Variants in RABGAP1L observed in about 807,000 individuals in gnomAD.
RABGAP1L encodes RAB GTPase activating protein 1 like.
In RABGAP1L, 63 loss-of-function variants were observed where a neutral mutation model predicts 137.7. The observed-to-expected ratio is 0.46, with a 90% CI of 0.37 to 0.56. RABGAP1L has a LOEUF of 0.56. RABGAP1L is among the 20% of genes least tolerant of loss of function. The pLI, the probability that RABGAP1L is intolerant of heterozygous loss-of-function variation, is 0.00. For missense variants in RABGAP1L, 1,095 were observed against 1,244.0 expected (o/e 0.88, Z 1.80); for synonymous variants, 431 against 433.7 (o/e 0.99, Z 0.08).
At position 174,723,180 on chromosome 1, in the gene RABGAP1L, T is replaced by C. The variant is rs187349979; in HGVS notation, c.2169+20924T>C. ...ATCTCCACCTCCTGGGTTCCAGTGATTCTCCTGCCTCAGCCTCCCAAGTAG... is the reference window on the plus strand; with the variant it reads ...ATCTCCACCTCCTGGGTTCCAGTGACTCTCCTGCCTCAGCCTCCCAAGTAG... On this transcript the variant is annotated intron_variant, in intron 17 of 25. Coordinates refer to ENST00000681986, the MANE Select transcript of RABGAP1L (RefSeq NM_001366446.1). 7.2e-5 allele frequency among the ~76,000 whole-genome samples: 11 copies of C among 152,260 alleles called. No homozygotes were observed. In the East Asian group the frequency reaches 2.1e-3, roughly 29 times the overall value.
At chr1:174,408,742 T>G (rs184556633) in intron 13 of RABGAP1L, among the ~76,000 whole-genome samples, 8 of 152,234 alleles carry the variant, frequency 5.3e-5, no homozygotes, top group Non-Finnish European at 8.8e-5. Flanking sequence ...TTTTTTTGAC[T>G]TTTTAGTAAT....
rs58500594 is a variant in RABGAP1L, at chr1:174,973,979, GTTTTTTTTTTTTTTT to G, written c.2545-2086_2545-2072del. ...GAAATGAGCAGTACAATTGTTTTTT[GTTTTTTTTTTTTTTT>G]TTTTTTTTTTTTGAGACGGAGTCTC... On this transcript the variant is annotated intron_variant, in intron 21 of 25. Transcript: ENST00000681986. Among the ~76,000 whole-genome samples, 38 of 85,792 alleles carry G rather than the reference GTTTTTTTTTTTTTTT, an allele frequency of 4.4e-4. 1 individual carries two copies. The highest frequency in any genetic ancestry group is 7.1e-4 in the Non-Finnish European group (28 of 39,466). 56.3% of individuals were successfully genotyped at this position (85,792 alleles called of 152,430 possible).
chr1:174,544,046 C>G (rs965182976), intron 13 of RABGAP1L, among the ~76,000 whole-genome samples: 11 of 152,166 alleles, frequency 7.2e-5, no homozygotes, highest in African/African-American at 2.7e-4. Context: ...TTTATTTCAA[C>G]TTTGGTGAAT....
chr1:174,524,947 A>G (rs1394823219), intron 13 of RABGAP1L, among the ~76,000 whole-genome samples: 2 of 152,020 alleles, frequency 1.3e-5, no homozygotes, highest in African/African-American at 4.8e-5. Context: ...AAAATCAGTT[A>G]GTTGTAAATA....
intron 13 of RABGAP1L, among the ~76,000 whole-genome samples, chr1:174,394,806 A>ATT (rs1342623154): frequency 2.0e-5 from 3 of 152,030 alleles, no homozygotes; most frequent in Non-Finnish European, 2.9e-5. Context: ...GATTTTTATA[A>ATT]TCAAGACTTT....
intron 14 of RABGAP1L, among the ~76,000 whole-genome samples, chr1:174,670,324 A>G (rs905610394): frequency 1.3e-5 from 2 of 152,126 alleles, no homozygotes; most frequent in African/African-American, 4.8e-5. Context: ...GTGGGCATGC[A>G]ATATGAAATA....
chr1:174,728,509 A>T (rs573690341), intron 17 of RABGAP1L, among the ~76,000 whole-genome samples: 229 of 151,210 alleles, frequency 1.5e-3, no homozygotes, highest in Non-Finnish European at 2.4e-3. Flanking sequence ...TTGTTCATGG[A>T]TTGGAAGAAT....
intron 14 of RABGAP1L, among the ~76,000 whole-genome samples, chr1:174,669,407 C>A (rs1677023777): frequency 6.6e-6 from 1 of 152,104 alleles, no homozygotes; most frequent in African/African-American, 2.4e-5. Flanking sequence ...GTATAGTTTG[C>A]AAATAATTTA....
At position 174,627,926 on chromosome 1, in the gene RABGAP1L, T is replaced by G. The variant is rs996028211; in HGVS notation, c.1711-9449T>G. On this transcript the variant is annotated intron_variant, in intron 13 of 25. Coordinates refer to ENST00000681986, the MANE Select transcript of RABGAP1L (RefSeq NM_001366446.1). The stretch of plus-strand genomic sequence containing the variant: ...GATGGTCCAGAAAGGAGGCATATAC[T>G]TGTGATAGTGGTTTTTGTCCTTTCC... 2.0e-5 allele frequency among the ~76,000 whole-genome samples: 3 copies of G among 152,168 alleles called. No individual in the cohort carries two copies. The South Asian group carries it at 6.2e-4, about 32-fold the overall frequency.
At chr1:174,946,827 G>A (rs1343561149) in intron 19 of RABGAP1L, among the ~76,000 whole-genome samples, 1 of 147,294 alleles carries the variant, frequency 6.8e-6, no homozygotes, top group East Asian at 2.0e-4. Flanking sequence ...CTTGAACTCA[G>A]TGGGCAGAGG....
chr1:174,218,538 C>G (rs2148459916), intron 1 of RABGAP1L, among the ~76,000 whole-genome samples: 1 of 152,154 alleles, frequency 6.6e-6, no homozygotes, highest in South Asian at 2.1e-4. Flanking sequence ...AATATAGAAG[C>G]TTTTTTCTTT....
chr1:174,707,081 A>C (rs1469019563), intron 17 of RABGAP1L, among the ~76,000 whole-genome samples: 1 of 152,208 alleles, frequency 6.6e-6, no homozygotes, highest in African/African-American at 2.4e-5. Flanking sequence ...CAAGGAGTAG[A>C]ATTGTTGTGT....
intron 13 of RABGAP1L, among the ~76,000 whole-genome samples, chr1:174,403,280 CTCTT>C (rs758029544): frequency 8.2e-5 from 12 of 146,364 alleles, no homozygotes; most frequent in East Asian, 2.0e-4. Flanking sequence ...CTTTTCTTCT[CTCTT>C]TTTTTTTTTT....
intron 5 of RABGAP1L, among the ~76,000 whole-genome samples, chr1:174,243,659 G>A (rs1381369128): frequency 6.6e-6 from 1 of 152,168 alleles, no homozygotes; most frequent in Non-Finnish European, 1.5e-5. Flanking sequence ...TGACCAGGTT[G>A]GACTTATTAG....
intron 13 of RABGAP1L, among the ~76,000 whole-genome samples, chr1:174,396,891 C>A: frequency 6.6e-6 from 1 of 150,474 alleles, no homozygotes; most frequent in East Asian, 2.0e-4. Context: ...GTAATTCCAA[C>A]AGTTTGGAAG....
intron 13 of RABGAP1L, among the ~76,000 whole-genome samples, chr1:174,590,519 G>A (rs1305600753): frequency 5.3e-5 from 5 of 94,960 alleles, no homozygotes; most frequent in Non-Finnish European, 8.1e-5. Context: ...CCCCACCACA[G>A]TCCCCAGAGT....
At chr1:174,682,742 G>A (rs1678175227) in intron 14 of RABGAP1L, among the ~76,000 whole-genome samples, 1 of 152,138 alleles carries the variant, frequency 6.6e-6, no homozygotes, top group South Asian at 2.1e-4. Flanking sequence ...AAACTAAGAG[G>A]GAATGTTAAG....
chr1:174,653,636 T>G (rs1487035414), intron 14 of RABGAP1L, among the ~76,000 whole-genome samples: 2 of 152,172 alleles, frequency 1.3e-5, no homozygotes, highest in Non-Finnish European at 2.9e-5. Flanking sequence ...CTGGTACCTG[T>G]GTTGGAAACG....
intron 13 of RABGAP1L, among the ~76,000 whole-genome samples, chr1:174,424,864 G>C (rs1046153829): frequency 6.6e-6 from 1 of 151,816 alleles, no homozygotes. Flanking sequence ...TTATAAAATT[G>C]TAAGATACAA....
Sources: allele counts gnomAD v4.1 joint callset (sites outside exome capture counted in the v4.1 genomes callset), GRCh38; gene constraint gnomAD v4.1.1; transcripts MANE v1.5; gene names NCBI Gene and HGNC (gene_info 2026-07-23, HGNC 2026-07-21).